The following OR1B1 variants were observed in gnomAD, a reference collection of about 807,000 sequenced individuals.
OR1B1 encodes the protein olfactory receptor 1B1.
For missense variants in OR1B1, 414 were observed against 402.1 expected (o/e 1.03, Z -0.25); for synonymous variants, 168 against 156.2 (o/e 1.08, Z -0.57).
chr9:122,653,580 G>A, the OR1B1 span, among the ~76,000 whole-genome samples: 1 of 152,134 alleles, frequency 6.6e-6, no homozygotes, highest in Admixed American at 6.5e-5. Context: ...ACTGTCTCAT[G>A]TAAAAGTTTC....
chr9:122,628,530 T>C (rs1170473029), downstream of OR1B1: 5 of 1,263,224 alleles, frequency 4.0e-6, no homozygotes, highest in Non-Finnish European at 5.7e-6. Flanking sequence ...CTGCTCAGAA[T>C]ATGCCCATGA....
the OR1B1 span, among the ~76,000 whole-genome samples, chr9:122,634,651 C>A: frequency 1.3e-5 from 2 of 152,088 alleles, no homozygotes; most frequent in Admixed American, 6.6e-5. Flanking sequence ...CAGGTCCCTC[C>A]CTTGACATGT....
chr9:122,631,307 G>A (rs926242499), upstream of OR1B1, among the ~76,000 whole-genome samples: 1 of 151,902 alleles, frequency 6.6e-6, no homozygotes, highest in African/African-American at 2.4e-5. Flanking sequence ...CTCCAGAGTA[G>A]CTGGGACCAC....
chr9:122,642,210 C>T, the OR1B1 span, among the ~76,000 whole-genome samples: 3 of 151,942 alleles, frequency 2.0e-5, no homozygotes, highest in Non-Finnish European at 4.4e-5. Context: ...GCTATGAAGG[C>T]ATAAAGGAGA....
At chr9:122,631,343 A>T (rs1199126453), upstream of OR1B1, among the ~76,000 whole-genome samples, 1 of 151,296 alleles carries the variant, frequency 6.6e-6, no homozygotes, top group Non-Finnish European at 1.5e-5. Context: ...TGCCAGGCTA[A>T]TTTTTTTGTA....
chr9:122,656,125 G>A, the OR1B1 span, among the ~76,000 whole-genome samples: 2 of 152,136 alleles, frequency 1.3e-5, no homozygotes, highest in Admixed American at 1.3e-4. Flanking sequence ...GTGTTCAATA[G>A]GTTGTATCCA....
At chr9:122,640,357 C>T in the OR1B1 span, among the ~76,000 whole-genome samples, 1 of 152,132 alleles carries the variant, frequency 6.6e-6, no homozygotes, top group Non-Finnish European at 1.5e-5. Context: ...ATGTCCAGTT[C>T]TAGATCCTGG....
At chr9:122,630,131 C>G (rs2118808620), upstream of OR1B1, among the ~76,000 whole-genome samples, 1 of 152,212 alleles carries the variant, frequency 6.6e-6, no homozygotes, top group South Asian at 2.1e-4. Flanking sequence ...CTAGCCAGAG[C>G]AATTAGACCA....
the OR1B1 span, among the ~76,000 whole-genome samples, chr9:122,643,248 C>A: frequency 6.6e-6 from 1 of 152,202 alleles, no homozygotes; most frequent in Non-Finnish European, 1.5e-5. Flanking sequence ...CCACCCCTCC[C>A]TGACCCCCCA....
the OR1B1 span, among the ~76,000 whole-genome samples, chr9:122,635,878 A>G: frequency 1.3e-5 from 2 of 152,298 alleles, no homozygotes; most frequent in African/African-American, 4.8e-5. Context: ...AACAAGAAAG[A>G]CAAATAGACT....
chr9:122,641,100 A>AT, the OR1B1 span, among the ~76,000 whole-genome samples: 1 of 152,186 alleles, frequency 6.6e-6, no homozygotes, highest in African/African-American at 2.4e-5. Flanking sequence ...TCATGAAAAT[A>AT]TTCCTCAGTA....
the OR1B1 span, among the ~76,000 whole-genome samples, chr9:122,656,363 C>T: frequency 1.3e-5 from 2 of 152,236 alleles, no homozygotes; most frequent in Admixed American, 6.5e-5. Context: ...CCCACTACGA[C>T]GTATTGGGAG....
chr9:122,653,612 G>C, the OR1B1 span, among the ~76,000 whole-genome samples: 1 of 152,052 alleles, frequency 6.6e-6, no homozygotes, highest in Non-Finnish European at 1.5e-5. Context: ...TTCCTCATCT[G>C]TCTGAAACCA....
At chr9:122,650,407 G>T in the OR1B1 span, among the ~76,000 whole-genome samples, 3 of 150,188 alleles carry the variant, frequency 2.0e-5, no homozygotes, top group African/African-American at 7.4e-5. Flanking sequence ...ATTAAAAAAT[G>T]AAAATTAAAA....
the OR1B1 span, among the ~76,000 whole-genome samples, chr9:122,638,714 G>A: frequency 6.6e-6 from 1 of 152,128 alleles, no homozygotes; most frequent in Non-Finnish European, 1.5e-5. Context: ...TCCCCTAGAT[G>A]GTCTTTCCCT....
exon 1 of OR1B1, chr9:122,629,023 A>T (rs778955866): frequency 6.2e-7 from 1 of 1,614,078 alleles, no homozygotes; most frequent in African/African-American, 1.3e-5. Context: ...CAGCATCCCC[A>T]GTCCAGCAAA....
exon 1 of OR1B1, chr9:122,629,072 A>G: frequency 6.2e-7 from 1 of 1,613,494 alleles, no homozygotes; most frequent in South Asian, 1.1e-5. Context: ...GGTGTGCAGT[A>G]TGGACACCAC....
the OR1B1 span, among the ~76,000 whole-genome samples, chr9:122,637,791 T>C: frequency 7.9e-5 from 12 of 152,194 alleles, no homozygotes; most frequent in African/African-American, 2.9e-4. Flanking sequence ...TTTTTTAAGA[T>C]TCATTTTGTA....
chr9:122,637,193 T>A, the OR1B1 span: 1 of 152,188 alleles, frequency 6.6e-6, no homozygotes, highest in Non-Finnish European at 1.5e-5. Flanking sequence ...TCCTTTTCTG[T>A]CTCTGGCTAT....
Sources: gnomAD v4.1 joint callset for allele counts (sites outside exome capture counted in the v4.1 genomes callset) on GRCh38, gnomAD v4.1.1 for gene constraint, MANE v1.5 for transcripts, NCBI Gene and HGNC (gene_info 2026-07-23, HGNC 2026-07-21) for gene names.